Variants in PEAK1 observed in about 807,000 individuals in gnomAD.
The protein encoded by PEAK1 is pseudopodium enriched atypical kinase 1.
PEAK1 carries 54 observed loss-of-function variants against 124.7 expected under a neutral mutation model. That is an observed-to-expected ratio of 0.43 (90% CI 0.35 to 0.54). PEAK1 has a LOEUF of 0.54. PEAK1 is among the 20% of genes least tolerant of loss of function. PEAK1 has a pLI of 0.01. For missense variants in PEAK1, 2,046 were observed against 2,134.5 expected, an observed-to-expected ratio of 0.96 and a Z score of 0.82; for synonymous variants, 719 against 760.0, an observed-to-expected ratio of 0.95 and a Z score of 0.89.
chr15:77,407,516 T>G (rs865919674), intron 1 of PEAK1, among the ~76,000 whole-genome samples: 1 of 151,900 alleles, frequency 6.6e-6, no homozygotes, highest in Non-Finnish European at 1.5e-5. Flanking sequence ...TATGAAAAAA[T>G]GCTCAACATC....
intron 7 of PEAK1, among the ~76,000 whole-genome samples, chr15:77,176,002 G>A (rs907457293): frequency 6.6e-6 from 1 of 151,022 alleles, no homozygotes; most frequent in Non-Finnish European, 1.5e-5. Context: ...CTATCGCAAG[G>A]ACAAAAAACC....
intron 1 of PEAK1, chr15:77,370,737 A>C: frequency 1.0e-6 from 1 of 985,216 alleles, no homozygotes; most frequent in Non-Finnish European, 1.2e-6. Context: ...GAACATAAAA[A>C]TCCAACACAT....
At chr15:77,301,362 T>G (rs993075923) in intron 2 of PEAK1, among the ~76,000 whole-genome samples, 1 of 152,130 alleles carries the variant, frequency 6.6e-6, no homozygotes, top group Non-Finnish European at 1.5e-5. Context: ...TCCAGGATGA[T>G]CATCATATCA....
chr15:77,177,498 GA>G (rs2056957750), intron 7 of PEAK1, among the ~76,000 whole-genome samples: 1 of 151,972 alleles, frequency 6.6e-6, no homozygotes, highest in Non-Finnish European at 1.5e-5. Context: ...ATTTTGCTAG[GA>G]AAAGTAAAAG....
At chr15:77,388,884 CCTAT>C (rs1372091619) in intron 1 of PEAK1, among the ~76,000 whole-genome samples, 2 of 151,124 alleles carry the variant, frequency 1.3e-5, no homozygotes, top group East Asian at 1.9e-4. Context: ...TTGTTTCCAT[CCTAT>C]CTTTTATGTT....
chr15:77,371,474 C>T (rs1013871319), intron 1 of PEAK1: 11 of 982,390 alleles, frequency 1.1e-5, no homozygotes, highest in Non-Finnish European at 1.3e-5. Context: ...TAACTCAGAT[C>T]TTTATTGTAG....
chr15:77,280,269 AGGC>A (rs1453493553), intron 5 of PEAK1, among the ~76,000 whole-genome samples: 1 of 152,124 alleles, frequency 6.6e-6, no homozygotes, highest in Non-Finnish European at 1.5e-5. Flanking sequence ...TGAAAACGGG[AGGC>A]GGAGGCTGCA....
chr15:77,154,937 C>G lies in PEAK1; in HGVS notation c.3331+3566G>C, dbSNP rs1352755876. Among the ~76,000 whole-genome samples, 12 of 152,216 alleles carry G rather than the reference C, an allele frequency of 7.9e-5. No individual in the cohort carries two copies. In the East Asian group the frequency reaches 2.3e-3, roughly 29 times the overall value. The stretch of plus-strand genomic sequence containing the variant: ...CTTAACATTTTTTCCTTCATTTCAA[C>G]TTTGGTGAATCTGACAATTATGTGT... On this transcript the variant is annotated intron_variant, in intron 8 of 9. Transcript: ENST00000682557.
intron 6 of PEAK1, among the ~76,000 whole-genome samples, chr15:77,245,985 C>T (rs933596566): frequency 6.6e-6 from 1 of 150,828 alleles, no homozygotes; most frequent in Non-Finnish European, 1.5e-5. Flanking sequence ...ATCAGCCTGT[C>T]GACTCCTATA....
chr15:77,325,320 G>A (rs1020408060), intron 2 of PEAK1, among the ~76,000 whole-genome samples: 4 of 152,056 alleles, frequency 2.6e-5, no homozygotes, highest in Non-Finnish European at 4.4e-5. Context: ...TGAGGTGGGA[G>A]GACAGCTTGA....
chr15:77,269,966 T>C (rs1000340486), intron 5 of PEAK1, among the ~76,000 whole-genome samples: 7 of 152,190 alleles, frequency 4.6e-5, no homozygotes, highest in Admixed American at 1.3e-4. Context: ...TCAGTTTCCA[T>C]GTAGTTGAGC....
At chr15:77,215,203 T>A (rs2059094718) in intron 6 of PEAK1, among the ~76,000 whole-genome samples, 1 of 152,206 alleles carries the variant, frequency 6.6e-6, no homozygotes, top group Non-Finnish European at 1.5e-5. Context: ...ATATTTACTG[T>A]GAAGTTCATG....
At chr15:77,322,250 C>A (rs1335752918) in intron 2 of PEAK1, among the ~76,000 whole-genome samples, 2 of 152,068 alleles carry the variant, frequency 1.3e-5, no homozygotes, top group African/African-American at 4.8e-5. Flanking sequence ...CATTCAAAAG[C>A]TAGCAGAAGG....
chr15:77,174,286 T>A (rs1008895295), intron 7 of PEAK1, among the ~76,000 whole-genome samples: 3 of 152,216 alleles, frequency 2.0e-5, no homozygotes, highest in African/African-American at 7.2e-5. Context: ...TTTTTTCGTT[T>A]TTCATTCTTC....
chr15:77,179,806 T>C lies in PEAK1; in HGVS notation c.2121A>G (p.Gln707=), dbSNP rs2057131286. The C allele has an allele frequency of 6.2e-7, 1 of 1,614,058 alleles. No homozygotes were observed. The highest frequency in any genetic ancestry group is 8.5e-7 in the Non-Finnish European group (1 of 1,180,030). The part of the protein sequence containing the change: ...HKRGSVAQKV[Q]EFNNCLNRGQ... ...CTCTGTTGAGACAGTTGTTAAACTCTTGAACCTTCTGAGCCACTGAGCCCC... is the reference window on the plus strand; with the variant it reads ...CTCTGTTGAGACAGTTGTTAAACTCCTGAACCTTCTGAGCCACTGAGCCCC... The change falls in exon 7 of 10, where the codon CAA becomes CAG. Residue 707 remains glutamine (Q), a synonymous_variant. Coordinates refer to ENST00000682557, the MANE Select transcript of PEAK1 (RefSeq NM_001385026.1).
intron 5 of PEAK1, among the ~76,000 whole-genome samples, chr15:77,273,797 C>A (rs906257457): frequency 1.3e-5 from 2 of 152,102 alleles, no homozygotes; most frequent in Middle Eastern, 3.4e-3. Context: ...TCACATGGAA[C>A]CAAAAAAGAG....
At chr15:77,280,705 A>G (rs2062620906) in intron 5 of PEAK1, among the ~76,000 whole-genome samples, 1 of 152,156 alleles carries the variant, frequency 6.6e-6, no homozygotes, top group African/African-American at 2.4e-5. Context: ...CTTCCTTCAG[A>G]CAGTGTGGGC....
At chr15:77,226,293 T>C (rs992929310) in intron 6 of PEAK1, among the ~76,000 whole-genome samples, 1 of 149,892 alleles carries the variant, frequency 6.7e-6, no homozygotes, top group Non-Finnish European at 1.5e-5. Context: ...ATCTGAAACA[T>C]TATCATTTAC....
At chr15:77,283,235 C>T (rs997184634) in intron 5 of PEAK1, among the ~76,000 whole-genome samples, 32 of 152,262 alleles carry the variant, frequency 2.1e-4, no homozygotes, top group Non-Finnish European at 1.0e-4. Flanking sequence ...ATATCAACTC[C>T]ATCCTTTGCT....
Sources: allele counts gnomAD v4.1 joint callset (sites outside exome capture counted in the v4.1 genomes callset), GRCh38; gene constraint gnomAD v4.1.1; transcripts MANE v1.5; gene names NCBI Gene and HGNC (gene_info 2026-07-23, HGNC 2026-07-21).